Variants in PIK3CA observed in about 807,000 individuals in gnomAD.
PIK3CA encodes phosphatidylinositol-4,5-bisphosphate 3-kinase catalytic subunit alpha.
PIK3CA carries 27 observed loss-of-function variants against 138.2 expected under a neutral mutation model. The ratio of observed to expected loss-of-function variants is 0.20; its 90% confidence interval spans 0.14 to 0.27. The LOEUF is 0.27. Ranked by LOEUF, PIK3CA falls within the 10% of genes least tolerant of loss-of-function variation. The pLI is 1.00. For synonymous variants in PIK3CA, 358 were observed against 413.2 expected, an observed-to-expected ratio of 0.87 and a Z score of 1.62; for missense variants, 544 against 1,277.4, an observed-to-expected ratio of 0.43 and a Z score of 8.75.
At chr3:179,192,277 CT>C (rs1227142689) in intron 1 of PIK3CA, among the ~76,000 whole-genome samples, 1 of 152,160 alleles carries the variant, frequency 6.6e-6, no homozygotes, top group Non-Finnish European at 1.5e-5. Context: ...ATTCTAATAG[CT>C]TTCAAGTATG....
intron 1 of PIK3CA, among the ~76,000 whole-genome samples, chr3:179,155,346 A>G (rs1482784699): frequency 6.6e-6 from 1 of 152,230 alleles, no homozygotes; most frequent in Non-Finnish European, 1.5e-5. Flanking sequence ...TTATATTTCT[A>G]TCAGGAGCCA....
At position 179,236,058 on chromosome 3, in the gene PIK3CA, T is replaced by C; in HGVS notation, c.*1694T>C. 4.8e-6 allele frequency: 1 copy of C among 206,802 alleles called. No homozygotes were observed. 12.8% of individuals were successfully genotyped at this position (206,802 alleles called of 1,614,324 possible). A position where few individuals can be genotyped will look rare whatever the true frequency, so the allele number is the denominator to read the frequency against. On this transcript the variant is annotated 3_prime_UTR_variant, in exon 21 of 21. Coordinates refer to ENST00000263967, the MANE Select transcript of PIK3CA (RefSeq NM_006218.4). ...AAAACAACTTTATAAAGAGTGAACATTGTATACTCTAGTAAAACAGCATCA... is the reference window on the plus strand; with the variant it reads ...AAAACAACTTTATAAAGAGTGAACACTGTATACTCTAGTAAAACAGCATCA...
At chr3:179,189,634 G>A (rs1349532887) in intron 1 of PIK3CA, among the ~76,000 whole-genome samples, 2 of 151,254 alleles carry the variant, frequency 1.3e-5, no homozygotes, top group African/African-American at 4.9e-5. Context: ...CCCATTCATG[G>A]GCCTCATATT....
chr3:179,190,632 C>CA (rs1264083700), intron 1 of PIK3CA, among the ~76,000 whole-genome samples: 1 of 150,944 alleles, frequency 6.6e-6, no homozygotes, highest in Non-Finnish European at 1.5e-5. Flanking sequence ...ATCAGAAAAG[C>CA]TTTTTTTTTC....
chr3:179,219,284 G>T lies in PIK3CA; in HGVS notation c.1746+7G>T, dbSNP rs1183566511. On this transcript the variant is annotated splice_region_variant and intron_variant, in intron 11 of 20. Coordinates refer to ENST00000263967, the MANE Select transcript of PIK3CA (RefSeq NM_006218.4). The surrounding 1 kb of genome is among the most constrained non-coding windows in gnomAD (Gnocchi z 4.2). ...TAGAGATGAAGTAGCCCAGGTAAAT[G>T]TATGTTTGAGATTACTAGATAACTG... is the stretch of plus-strand genomic sequence containing the variant. 1 of 1,505,920 alleles carries T rather than the reference G, an allele frequency of 6.6e-7. No individual in the cohort carries two copies. Among genetic ancestry groups the T allele is most frequent in the Non-Finnish European group, 9.2e-7 (1 of 1,082,658 alleles). 93.3% of individuals were successfully genotyped at this position (1,505,920 alleles called of 1,614,324 possible).
At chr3:179,218,983 T>G (rs1560145075) in intron 10 of PIK3CA, among the ~76,000 whole-genome samples, 1 of 152,050 alleles carries the variant, frequency 6.6e-6, no homozygotes, top group Non-Finnish European at 1.5e-5. Context: ...GCATTTTCCT[T>G]TTGTGTTCTT....
rs372432272 is a variant in PIK3CA at position 179,158,669 on chromosome 3, ATTGT to A, written c.-77+10072_-77+10075del. On this transcript the variant is annotated intron_variant, in intron 1 of 20. Transcript: ENST00000263967. ...ATAATATTAAACTCTTTTGCATATCATTGTTTGTTACCTAGGACACTCAATGGAC... is the reference window on the plus strand; with the variant it reads ...ATAATATTAAACTCTTTTGCATATCATTGTTACCTAGGACACTCAATGGAC... 6.7e-3 allele frequency among the ~76,000 whole-genome samples: 1,015 copies of A among 152,246 alleles called. 63 individuals carry two copies. The South Asian group carries it at 0.14, about 20-fold the overall frequency.
Position 179,220,087 on chromosome 3 carries a change from G to C in PIK3CA, c.2015+35G>C, listed in dbSNP as rs773942154. The C allele has an allele frequency of 7.1e-7, 1 of 1,408,320 alleles. No homozygotes were observed. Among genetic ancestry groups the C allele is most frequent in the African/African-American group, 1.4e-5 (1 of 69,094 alleles). 87.2% of individuals were successfully genotyped at this position (1,408,320 alleles called of 1,614,324 possible). ...ATTATTTTCCCATTAAATTCTTAAG[G>C]TACATATTACTTGCTTTCTTAATAG... On this transcript the variant is annotated intron_variant, in intron 13 of 20. Transcript: ENST00000263967. This position sits in a 1 kb window ranked among gnomAD's most constrained non-coding sequence, Gnocchi z 4.1.
intron 20 of PIK3CA, among the ~76,000 whole-genome samples, chr3:179,231,367 A>G (rs924535359): frequency 1.3e-5 from 2 of 152,048 alleles, no homozygotes; most frequent in South Asian, 4.1e-4. Flanking sequence ...TCTTTAAGAA[A>G]TCTCCATACT....
At chr3:179,156,959 AT>A (rs1401560679) in intron 1 of PIK3CA, among the ~76,000 whole-genome samples, 2 of 152,176 alleles carry the variant, frequency 1.3e-5, no homozygotes, top group Non-Finnish European at 2.9e-5. Context: ...CAAGCTAAAC[AT>A]CCTTGGAATT....
In PIK3CA at chr3:179,204,642, A is replaced by G. The variant is rs3729679; in HGVS notation, c.1145+54A>G. 426,689 of 824,144 alleles carry G rather than the reference A, an allele frequency of 0.52. 115,968 individuals are homozygous for G. The highest frequency in any genetic ancestry group is 0.76 in the African/African-American group (44,926 of 59,214). The allele number at this position is 824,144 out of a possible 1,614,324, so 51.1% of individuals were successfully genotyped here. A position where few individuals can be genotyped will look rare whatever the true frequency, so the allele number is the denominator to read the frequency against. On this transcript the variant is annotated intron_variant, in intron 6 of 20. Coordinates refer to ENST00000263967, the MANE Select transcript of PIK3CA (RefSeq NM_006218.4). ...AAAGGTTATATTAGTGTTTAGCAGTATGATCCATAAAAGTAGTATATTTTT... is the reference window on the plus strand; with the variant it reads ...AAAGGTTATATTAGTGTTTAGCAGTGTGATCCATAAAAGTAGTATATTTTT...
intron 1 of PIK3CA, among the ~76,000 whole-genome samples, chr3:179,163,676 G>T (rs1331227502): frequency 1.3e-5 from 2 of 152,036 alleles, no homozygotes; most frequent in Non-Finnish European, 2.9e-5. Flanking sequence ...AATGAGCAAA[G>T]AATTTGAGAA....
chr3:179,151,442 T>G (rs1723011876), intron 1 of PIK3CA, among the ~76,000 whole-genome samples: 1 of 152,226 alleles, frequency 6.6e-6, no homozygotes, highest in African/African-American at 2.4e-5. Context: ...TTTATTTAAT[T>G]TCCTTTACAT....
At chr3:179,206,754 A>G (rs945950951) in intron 6 of PIK3CA, among the ~76,000 whole-genome samples, 10 of 152,014 alleles carry the variant, frequency 6.6e-5, no homozygotes, top group Admixed American at 6.6e-4. Context: ...GTCTCTACCA[A>G]AAATACAAAA....
intron 1 of PIK3CA, among the ~76,000 whole-genome samples, chr3:179,168,852 G>A (rs1723481796): frequency 6.6e-6 from 1 of 151,742 alleles, no homozygotes; most frequent in Non-Finnish European, 1.5e-5. Flanking sequence ...CTTCCCTATT[G>A]ATTTGAAATG....
At chr3:179,169,520 T>C (rs1576917880) in intron 1 of PIK3CA, among the ~76,000 whole-genome samples, 1 of 152,170 alleles carries the variant, frequency 6.6e-6, no homozygotes, top group Admixed American at 6.5e-5. Flanking sequence ...AAATTCATTT[T>C]TTTTCAGTTC....
intron 1 of PIK3CA, among the ~76,000 whole-genome samples, chr3:179,195,441 T>G (rs1724243385): frequency 1.3e-5 from 2 of 152,172 alleles, no homozygotes; most frequent in South Asian, 4.1e-4. Flanking sequence ...CATATATCAC[T>G]TCATCTATCT....
At chr3:179,170,159 A>G (rs748219168) in intron 1 of PIK3CA, among the ~76,000 whole-genome samples, 3 of 152,206 alleles carry the variant, frequency 2.0e-5, no homozygotes, top group Non-Finnish European at 2.9e-5. Context: ...TAGATATACC[A>G]AACTAGAAGC....
intron 1 of PIK3CA, among the ~76,000 whole-genome samples, chr3:179,176,502 G>A (rs1023196408): frequency 6.6e-6 from 1 of 152,124 alleles, no homozygotes; most frequent in Admixed American, 6.5e-5. Flanking sequence ...TCCTTGTTTA[G>A]AAATGATTGG....
Sources: gnomAD v4.1 joint callset for allele counts (sites outside exome capture counted in the v4.1 genomes callset) on GRCh38, gnomAD v4.1.1 for gene constraint, Gnocchi (gnomAD v3.1) non-coding constraint, MANE v1.5 for transcripts, NCBI Gene and HGNC (gene_info 2026-07-23, HGNC 2026-07-21) for gene names.